The following CTDSPL variants were observed in gnomAD, a reference collection of about 807,000 sequenced individuals.
CTDSPL encodes CTD small phosphatase like.
CTDSPL carries 8 observed loss-of-function variants against 30.5 expected under a neutral mutation model. That is an observed-to-expected ratio of 0.26 (90% CI 0.15 to 0.47). The LOEUF is 0.47. Ranked by LOEUF, CTDSPL falls within the 20% of genes least tolerant of loss-of-function variation. CTDSPL has a pLI of 0.99. For missense variants in CTDSPL, 248 were observed against 366.1 expected, an observed-to-expected ratio of 0.68 and a Z score of 2.63; for synonymous variants, 110 against 137.9, an observed-to-expected ratio of 0.80 and a Z score of 1.42.
chr3:37,870,358 C>T (rs905622516), intron 1 of CTDSPL, among the ~76,000 whole-genome samples: 1 of 152,064 alleles, frequency 6.6e-6, no homozygotes, highest in Non-Finnish European at 1.5e-5. Flanking sequence ...CTATTCATAG[C>T]ATTTTTCCCT....
intron 1 of CTDSPL, among the ~76,000 whole-genome samples, chr3:37,916,437 C>T (rs745772546): frequency 3.9e-5 from 6 of 152,014 alleles, no homozygotes; most frequent in African/African-American, 1.5e-4. Flanking sequence ...GGAAATAGGT[C>T]GTTGCAAATG....
intron 1 of CTDSPL, among the ~76,000 whole-genome samples, chr3:37,864,772 A>G (rs373697327): frequency 6.6e-6 from 1 of 152,036 alleles, no homozygotes; most frequent in East Asian, 1.9e-4. Context: ...TGTATTTTAC[A>G]TAATTTTATT....
chr3:37,926,846 C>T (rs1222259506), intron 1 of CTDSPL, among the ~76,000 whole-genome samples: 1 of 152,210 alleles, frequency 6.6e-6, no homozygotes, highest in Non-Finnish European at 1.5e-5. Flanking sequence ...GGGTCACTCA[C>T]AGTCCAGAGC....
chr3:37,871,253 A>G (rs779199167), intron 1 of CTDSPL, among the ~76,000 whole-genome samples: 7 of 152,096 alleles, frequency 4.6e-5, no homozygotes, highest in Non-Finnish European at 1.0e-4. Flanking sequence ...AGTAATATGC[A>G]TTTTCATTTC....
chr3:37,926,062 T>A (rs1321081576), intron 1 of CTDSPL, among the ~76,000 whole-genome samples: 1 of 152,194 alleles, frequency 6.6e-6, no homozygotes, highest in East Asian at 1.9e-4. Context: ...AATAAGCAAG[T>A]GTTGGATGAA....
At chr3:37,863,113 C>G (rs1450454243) in intron 1 of CTDSPL, among the ~76,000 whole-genome samples, 1 of 152,168 alleles carries the variant, frequency 6.6e-6, no homozygotes, top group African/African-American at 2.4e-5. Flanking sequence ...GAGCCATCCC[C>G]GCTTTCTCCC....
intron 1 of CTDSPL, among the ~76,000 whole-genome samples, chr3:37,921,639 A>T (rs1575299348): frequency 2.0e-5 from 3 of 150,226 alleles, no homozygotes; most frequent in African/African-American, 7.4e-5. Flanking sequence ...ACACACACAC[A>T]CACACTCACA....
chr3:37,869,398 T>C (rs753714051), intron 1 of CTDSPL, among the ~76,000 whole-genome samples: 8 of 152,110 alleles, frequency 5.3e-5, no homozygotes, highest in South Asian at 2.1e-4. Context: ...ATTTATTTTT[T>C]ATTTTGGTGC....
chr3:37,897,459 C>G (rs1302027619), intron 1 of CTDSPL, among the ~76,000 whole-genome samples: 7 of 152,178 alleles, frequency 4.6e-5, no homozygotes, highest in African/African-American at 1.7e-4. Flanking sequence ...TTTCCAAATG[C>G]AAGTAGGATG....
At chr3:37,932,284 A>G (rs1196776374) in intron 1 of CTDSPL, among the ~76,000 whole-genome samples, 1 of 152,220 alleles carries the variant, frequency 6.6e-6, no homozygotes, top group East Asian at 1.9e-4. Context: ...AGTGAATAGT[A>G]TATCGTATTA....
intron 1 of CTDSPL, among the ~76,000 whole-genome samples, chr3:37,884,094 C>T (rs1234191668): frequency 6.6e-6 from 1 of 152,112 alleles, no homozygotes; most frequent in Non-Finnish European, 1.5e-5. Context: ...TTTCATCCAA[C>T]AACCCCTTTT....
intron 1 of CTDSPL, among the ~76,000 whole-genome samples, chr3:37,927,138 T>C (rs1316168942): frequency 6.6e-6 from 1 of 152,154 alleles, no homozygotes; most frequent in Admixed American, 6.5e-5. Flanking sequence ...CCTGACCTCA[T>C]GATGGGCATT....
chr3:37,885,935 A>C (rs1050667596), intron 1 of CTDSPL, among the ~76,000 whole-genome samples: 1 of 152,200 alleles, frequency 6.6e-6, no homozygotes, highest in Non-Finnish European at 1.5e-5. Flanking sequence ...AAAAACAAGT[A>C]AACAAAAGAA....
At chr3:37,901,559 C>T (rs926162445) in intron 1 of CTDSPL, among the ~76,000 whole-genome samples, 1 of 152,180 alleles carries the variant, frequency 6.6e-6, no homozygotes, top group African/African-American at 2.4e-5. Flanking sequence ...AATAGTAATA[C>T]TTGACCTAAA....
chr3:37,917,603 T>C (rs1698664342), intron 1 of CTDSPL, among the ~76,000 whole-genome samples: 1 of 152,202 alleles, frequency 6.6e-6, no homozygotes, highest in East Asian at 1.9e-4. Flanking sequence ...GCTGATATAG[T>C]TTTACTATTA....
chr3:37,908,913 G>A (rs1448746154), intron 1 of CTDSPL, among the ~76,000 whole-genome samples: 1 of 152,184 alleles, frequency 6.6e-6, no homozygotes, highest in African/African-American at 2.4e-5. Flanking sequence ...TCATATTGCT[G>A]TTGGAGTGGT....
chr3:37,877,177 A>C (rs1698145131), intron 1 of CTDSPL, among the ~76,000 whole-genome samples: 1 of 152,112 alleles, frequency 6.6e-6, no homozygotes. Context: ...AAGTACATTC[A>C]TATTGCTGTG....
At chr3:37,942,428 A>C (rs1698988971) in intron 1 of CTDSPL, among the ~76,000 whole-genome samples, 1 of 150,544 alleles carries the variant, frequency 6.6e-6, no homozygotes, top group Non-Finnish European at 1.5e-5. Flanking sequence ...AGATCACTTG[A>C]GCTCAGGAGT....
chr3:37,872,572 CTT>C (rs1294021036), intron 1 of CTDSPL, among the ~76,000 whole-genome samples: 2 of 54,262 alleles, frequency 3.7e-5, no homozygotes, highest in Admixed American at 2.2e-4. Flanking sequence ...ATTCTTTTAT[CTT>C]TTTTTTTTTT....
Sources: gnomAD v4.1 joint callset for allele counts (sites outside exome capture counted in the v4.1 genomes callset) on GRCh38, gnomAD v4.1.1 for gene constraint, MANE v1.5 for transcripts, NCBI Gene and HGNC (gene_info 2026-07-23, HGNC 2026-07-21) for gene names.